PHF20L1: variants seen among roughly 807,000 people sequenced by gnomAD.
The protein encoded by PHF20L1 is PHD finger protein 20 like 1.
PHF20L1 carries 44 observed loss-of-function variants against 125.5 expected under a neutral mutation model. The ratio of observed to expected loss-of-function variants is 0.35; its 90% CI spans 0.28 to 0.45. PHF20L1 has a LOEUF of 0.45. Ranked by LOEUF, PHF20L1 falls within the 20% of genes least tolerant of loss-of-function variation. PHF20L1 has a pLI of 1.00. For missense variants in PHF20L1, 1,012 were observed against 1,217.2 expected (o/e 0.83, Z 2.51); for synonymous variants, 380 against 403.1 (o/e 0.94, Z 0.69).
rs767719860 is a variant in PHF20L1, at chr8:132,845,893, A to T, written c.3024A>T (p.Val1008=). The change falls in exon 21 of 21, where the codon GTA becomes GTT. Residue 1008 remains valine, a synonymous_variant. Transcript: ENST00000395386. ...AGCTCCTAATTGACATGGGCAAAGT[A>T]CAGCAGATAGCAACTCTTTGCTCTG... ...IKQLLIDMGK[V]QQIATLCSV 5.6e-6 allele frequency: 9 copies of T among 1,612,374 alleles called. No homozygotes were observed. In the South Asian group the frequency reaches 8.8e-5, roughly 16 times the overall value.
chr8:132,822,437 A>T (rs1024502330), intron 12 of PHF20L1, among the ~76,000 whole-genome samples: 52 of 151,986 alleles, frequency 3.4e-4, no homozygotes, highest in African/African-American at 1.2e-3. Context: ...CCAGTGCTCC[A>T]GAGATGTAAG....
At chr8:132,842,897 T>G (rs1414213556) in intron 19 of PHF20L1, 22 bp downstream of exon 19, 1 of 1,574,488 alleles carries the variant, frequency 6.4e-7, no homozygotes, top group East Asian at 2.2e-5. Flanking sequence ...TCATTTTTCT[T>G]TGCTTGGAAA....
chr8:132,816,643 A>G, intron 10 of PHF20L1: 1 of 369,108 alleles, frequency 2.7e-6, no homozygotes, highest in South Asian at 5.9e-5. Flanking sequence ...ACTTGAAATT[A>G]ATGTTCCATT....
chr8:132,845,619 G>A (rs970177424), intron 20 of PHF20L1, among the ~76,000 whole-genome samples, 162 bp from the exon 21 acceptor site: 1 of 152,004 alleles, frequency 6.6e-6, no homozygotes, highest in Admixed American at 6.6e-5. Flanking sequence ...GGGGTGGGAT[G>A]ACAGGACGCT....
At chr8:132,776,305 A>G (rs1236296449) in intron 1 of PHF20L1, among the ~76,000 whole-genome samples, 2 of 152,060 alleles carry the variant, frequency 1.3e-5, no homozygotes, top group African/African-American at 2.4e-5. Flanking sequence ...ATGGGCTCTA[A>G]GTTTGATTCT....
Position 132,791,073 on chromosome 8 carries a change from A to G in PHF20L1, c.84-3337A>G, listed in dbSNP as rs140001056. ...GGTCTTCATCTGTTAAATGTACACTATGTTTTCAATACCTTTTATGATTAC... is the reference window on the plus strand; with the variant it reads ...GGTCTTCATCTGTTAAATGTACACTGTGTTTTCAATACCTTTTATGATTAC... On this transcript the variant is annotated intron_variant, in intron 2 of 20. Transcript: ENST00000395386. 1.2e-4 allele frequency among the ~76,000 whole-genome samples: 19 copies of G among 152,254 alleles called. No individual in the cohort carries two copies. The East Asian group carries it at 2.1e-3, about 17-fold the overall frequency.
chr8:132,778,293 T>C (rs2131287852), intron 2 of PHF20L1, among the ~76,000 whole-genome samples: 1 of 152,330 alleles, frequency 6.6e-6, no homozygotes. Context: ...ATTGGTATTT[T>C]TGGTCTGTCA....
rs1169272718 is a variant in PHF20L1 at position 132,846,307 on chromosome 8, C to T, written c.*384C>T. 6.5e-6 allele frequency: 1 copy of T among 154,972 alleles called. No individual in the cohort carries two copies. Among genetic ancestry groups the T allele is most frequent in the Non-Finnish European group, 1.4e-5 (1 of 69,764 alleles). 9.6% of individuals were successfully genotyped at this position (154,972 alleles called of 1,614,324 possible). On this transcript the variant is annotated 3_prime_UTR_variant, in exon 21 of 21. Coordinates refer to ENST00000395386, the MANE Select transcript of PHF20L1 (RefSeq NM_016018.5). ...AATAGAAAGATCTATGTTTATAAAC[C>T]AGCACTTGGCCAAAAACAAAATTGT...
chr8:132,812,900 T>C, intron 9 of PHF20L1: 1 of 980,218 alleles, frequency 1.0e-6, no homozygotes. Context: ...TTTTTAAAAA[T>C]TCAAACTGTG....
intron 6 of PHF20L1, among the ~76,000 whole-genome samples, chr8:132,801,375 G>T (rs1047587909): frequency 6.6e-6 from 1 of 151,692 alleles, no homozygotes; most frequent in Admixed American, 6.6e-5. Context: ...GAAGAATTCA[G>T]AACTTAGAGA....
intron 9 of PHF20L1, chr8:132,812,513 A>G (rs1586959560): frequency 8.1e-6 from 8 of 984,886 alleles, no homozygotes; most frequent in Non-Finnish European, 9.6e-6. Flanking sequence ...ATAATTAAAA[A>G]CTTTTGAGAG....
At chr8:132,821,733 G>T (rs1487124600) in intron 12 of PHF20L1, among the ~76,000 whole-genome samples, 1 of 151,912 alleles carries the variant, frequency 6.6e-6, no homozygotes, top group African/African-American at 2.4e-5. Context: ...TTTGAGTTGT[G>T]TGCAGGCAGG....
In PHF20L1 at chr8:132,832,349, C is replaced by A; in HGVS notation, c.1859C>A (p.Thr620Lys). The part of the protein sequence containing the change: ...ASRSMFTEKT[T>K]TYQYPRAILS... ...CGAAGCATGTTTACGGAGAAAACTA[C>A]AACCTATCAGTACCCAAGGGCAATT... The change falls in exon 15 of 21, where the codon ACA becomes AAA. Residue 620 changes from threonine to lysine, a missense_variant. Around this residue, in one of 7 missense-constraint regions of PHF20L1, gnomAD observed 320 missense variants for 293.8 expected, o/e 1.09. Transcript: ENST00000395386. 2.5e-6 allele frequency: 4 copies of A among 1,612,118 alleles called. No individual in the cohort carries two copies. The highest frequency in any genetic ancestry group is 3.4e-6 in the Non-Finnish European group (4 of 1,178,546).
Position 132,847,705 on chromosome 8 carries a change from A to G in PHF20L1, c.*1782A>G, listed in dbSNP as rs1441163104. On this transcript the variant is annotated 3_prime_UTR_variant, in exon 21 of 21. Coordinates refer to ENST00000395386, the MANE Select transcript of PHF20L1 (RefSeq NM_016018.5). ...ATTCTCCAACTTGACAAATGTGCCA[A>G]AGATCAACAGACAGAAAATATCATC... The G allele has an allele frequency of 1.3e-5, 2 of 152,582 alleles. No homozygotes were observed. Among genetic ancestry groups the G allele is most frequent in the African/African-American group, 2.4e-5 (1 of 41,442 alleles). The allele number at this position is 152,582 out of a possible 1,614,324, so 9.5% of individuals were successfully genotyped here.
chr8:132,813,976 T>C (rs1834675352), intron 9 of PHF20L1, among the ~76,000 whole-genome samples: 1 of 151,714 alleles, frequency 6.6e-6, no homozygotes, highest in Non-Finnish European at 1.5e-5. Flanking sequence ...ACTTTATCTC[T>C]TTGGTTTTTT....
chr8:132,812,929 C>A (rs1834558228), intron 9 of PHF20L1: 1 of 961,574 alleles, frequency 1.0e-6, no homozygotes, highest in African/African-American at 1.8e-5. Context: ...CCCCAATTCT[C>A]AGCTTATTAA....
intron 2 of PHF20L1, among the ~76,000 whole-genome samples, chr8:132,791,883 C>T (rs1831755337): frequency 6.6e-6 from 1 of 152,208 alleles, no homozygotes; most frequent in Non-Finnish European, 1.5e-5. Flanking sequence ...GTTGATGCGT[C>T]AGGCATCTCA....
chr8:132,788,656 T>C (rs1831330008), intron 2 of PHF20L1: 1 of 152,192 alleles, frequency 6.6e-6, no homozygotes, highest in African/African-American at 2.4e-5. Flanking sequence ...AATTAGAAGA[T>C]AAATCAGAAT....
chr8:132,827,684 CA>C (rs1254489358), intron 14 of PHF20L1, among the ~76,000 whole-genome samples: 1 of 151,394 alleles, frequency 6.6e-6, no homozygotes, highest in Non-Finnish European at 1.5e-5. Context: ...GAAAAATGGC[CA>C]AAAAAACCTC....
Sources: gnomAD v4.1 joint callset for allele counts (sites outside exome capture counted in the v4.1 genomes callset) on GRCh38, gnomAD v4.1.1 for gene constraint, gnomAD v4.1.1 regional missense constraint, MANE v1.5 for transcripts, NCBI Gene and HGNC (gene_info 2026-07-23, HGNC 2026-07-21) for gene names.